HTR2C: variants seen among roughly 807,000 people sequenced by gnomAD.
HTR2C encodes the protein 5-hydroxytryptamine receptor 2C.
Under a neutral mutation model 21.0 loss-of-function variants are expected in HTR2C, and 5 were observed. The ratio of observed to expected loss-of-function variants is 0.24; its 90% CI spans 0.12 to 0.50. HTR2C has a LOEUF of 0.50. Among genes scored for constraint, HTR2C ranks in the 20% least tolerant of loss-of-function variants. The pLI is 0.98. For missense variants in HTR2C, 271 were observed against 371.2 expected (o/e 0.73, Z 2.22); for synonymous variants, 150 against 145.3 (o/e 1.03, Z -0.23).
At chrX:114,663,097 GC>G (rs1462301047) in intron 2 of HTR2C, among the ~76,000 whole-genome samples, 1 of 111,542 alleles carries the variant, frequency 9.0e-6, no homozygotes, top group African/African-American at 3.3e-5. Context: ...TTCTTGAAGT[GC>G]CGTAGGTCTC....
intron 5 of HTR2C, among the ~76,000 whole-genome samples, chrX:114,877,015 G>A (rs192343668): frequency 9.0e-5 from 10 of 111,328 alleles, no homozygotes; most frequent in Admixed American, 5.7e-4. Flanking sequence ...GTTTGAGAAG[G>A]TTTGGTGCTA....
chrX:114,826,536 G>A (rs185282525), intron 4 of HTR2C, among the ~76,000 whole-genome samples: 25 of 111,720 alleles, frequency 2.2e-4, no homozygotes, highest in Admixed American at 2.2e-3. Context: ...TGAATTTCAC[G>A]TGTAGACTTG....
rs1240667412 is a variant in HTR2C at position 114,759,909 on chromosome X, A to C, written c.349+28302A>C. 3.6e-5 allele frequency among the ~76,000 whole-genome samples: 4 copies of C among 111,856 alleles called. No homozygotes were observed. The Admixed American group carries it at 3.8e-4, about 11-fold the overall frequency. ...ACCACATTACCATCAACTCAGATTC[A>C]TAGATTAGGTGCCATATTAAATGAT... On this transcript the variant is annotated intron_variant, in intron 4 of 5. Coordinates refer to ENST00000276198, the MANE Select transcript of HTR2C (RefSeq NM_000868.4).
intron 2 of HTR2C, among the ~76,000 whole-genome samples, chrX:114,701,731 GAGA>G (rs1372335871): frequency 5.3e-5 from 6 of 112,392 alleles, no homozygotes; most frequent in Non-Finnish European, 9.4e-5. Flanking sequence ...GACGAGTTGA[GAGA>G]AGAAGGCTTC....
chrX:114,803,134 T>C (rs1490571135), intron 4 of HTR2C, among the ~76,000 whole-genome samples: 1 of 95,321 alleles, frequency 1.0e-5, no homozygotes, highest in Non-Finnish European at 2.1e-5. Flanking sequence ...TCTATCATTG[T>C]TGGACATTTG....
At chrX:114,780,837 C>G (rs138693259) in intron 4 of HTR2C, among the ~76,000 whole-genome samples, 1 of 111,478 alleles carries the variant, frequency 9.0e-6, no homozygotes, top group Non-Finnish European at 1.9e-5. Context: ...CAATTAGGCA[C>G]GCACAAGTTC....
chrX:114,697,529 G>A (rs957271122), intron 2 of HTR2C, among the ~76,000 whole-genome samples: 33 of 111,520 alleles, frequency 3.0e-4, no homozygotes, highest in African/African-American at 9.8e-4. Context: ...TGAATCTTCC[G>A]TATTTATTTA....
intron 1 of HTR2C, among the ~76,000 whole-genome samples, chrX:114,612,356 T>C (rs1161685156): frequency 8.9e-6 from 1 of 111,908 alleles, no homozygotes; most frequent in African/African-American, 3.3e-5. Flanking sequence ...TCCCTGCATT[T>C]AAAACTTTTT....
At chrX:114,711,173 C>T (rs1932886809) in intron 2 of HTR2C, among the ~76,000 whole-genome samples, 1 of 111,114 alleles carries the variant, frequency 9.0e-6, no homozygotes, top group African/African-American at 3.3e-5. Flanking sequence ...TAATTTGGAC[C>T]AAAATATTTT....
chrX:114,905,422 T>C (rs895651348), intron 5 of HTR2C, among the ~76,000 whole-genome samples: 4 of 111,716 alleles, frequency 3.6e-5, no homozygotes, highest in African/African-American at 1.3e-4. Flanking sequence ...CTCTTGATCA[T>C]CCAGCCAGAC....
At chrX:114,742,711 G>GGT (rs1386713378) in intron 4 of HTR2C, among the ~76,000 whole-genome samples, 1 of 81,436 alleles carries the variant, frequency 1.2e-5, no homozygotes, top group African/African-American at 4.5e-5. Context: ...AGCAGCTACT[G>GGT]TTTTTTTTTT....
chrX:114,890,024 G>A (rs1370193024), intron 5 of HTR2C, among the ~76,000 whole-genome samples: 1 of 111,650 alleles, frequency 9.0e-6, no homozygotes, highest in East Asian at 2.8e-4. Context: ...TTTATAGAGA[G>A]GCAAATTTTT....
chrX:114,616,585 C>CCAACTGTGGCT (rs376113211), intron 2 of HTR2C, among the ~76,000 whole-genome samples: 1 of 111,488 alleles, frequency 9.0e-6, no homozygotes, highest in African/African-American at 3.3e-5. Flanking sequence ...CCGCGCCCAG[C>CCAACTGTGGCT]ATTTTAAGCT....
intron 5 of HTR2C, among the ~76,000 whole-genome samples, chrX:114,862,149 G>T (rs1159385729): frequency 8.1e-5 from 9 of 110,843 alleles, no homozygotes; most frequent in African/African-American, 2.9e-4. Context: ...ATTTTGAGTT[G>T]ATTTTTGTGC....
chrX:114,806,244 C>G (rs1465980088), intron 4 of HTR2C, among the ~76,000 whole-genome samples: 1 of 96,454 alleles, frequency 1.0e-5, no homozygotes, highest in Non-Finnish European at 2.0e-5. Context: ...CATATATATA[C>G]CATATATATA....
intron 2 of HTR2C, among the ~76,000 whole-genome samples, chrX:114,702,815 C>A (rs1387618014): frequency 9.4e-6 from 1 of 106,518 alleles, no homozygotes; most frequent in East Asian, 3.0e-4. Context: ...TCAGGAAACC[C>A]ATCTCACGTG....
chrX:114,584,897 C>A (rs1774682549), intron 1 of HTR2C, among the ~76,000 whole-genome samples: 1 of 88,954 alleles, frequency 1.1e-5, no homozygotes, highest in Non-Finnish European at 2.2e-5. Context: ...GGATTGGGAG[C>A]GGGGGCTCGA....
intron 2 of HTR2C, among the ~76,000 whole-genome samples, chrX:114,707,546 T>A (rs1306999665): frequency 8.9e-6 from 1 of 111,905 alleles, no homozygotes; most frequent in African/African-American, 3.2e-5. Flanking sequence ...TTTTCTTGAC[T>A]GATTTGCCAA....
intron 2 of HTR2C, among the ~76,000 whole-genome samples, chrX:114,661,277 AC>A (rs1930976577): frequency 9.0e-6 from 1 of 110,650 alleles, no homozygotes; most frequent in Admixed American, 9.6e-5. Context: ...ACACAGTGAA[AC>A]CCCGTCTCTA....
Sources: gnomAD v4.1 joint callset for allele counts (sites outside exome capture counted in the v4.1 genomes callset) on GRCh38, gnomAD v4.1.1 for gene constraint, MANE v1.5 for transcripts, NCBI Gene and HGNC (gene_info 2026-07-23, HGNC 2026-07-21) for gene names.